Variants in REST observed in about 807,000 individuals in gnomAD.
REST encodes RE1 silencing transcription factor, also known as RE1-silencing transcription factor.
Under a neutral mutation model 30.4 loss-of-function variants are expected in REST, and 1 was observed. That is an observed-to-expected ratio of 0.03 (90% CI 0.01 to 0.16). The LOEUF is 0.16. REST is among the 10% of genes least tolerant of loss of function. The pLI, the probability that REST is intolerant of heterozygous loss-of-function variation, is 1.00. For synonymous variants in REST, 504 were observed against 451.1 expected, an observed-to-expected ratio of 1.12 and a Z score of -1.49; for missense variants, 1,259 against 1,329.5, an observed-to-expected ratio of 0.95 and a Z score of 0.82.
At chr4:56,921,898 A>C (rs1377033606) in intron 3 of REST, among the ~76,000 whole-genome samples, 1 of 152,204 alleles carries the variant, frequency 6.6e-6, no homozygotes, top group Non-Finnish European at 1.5e-5. Context: ...ACTACTAGAA[A>C]ATTTAAGATT....
At chr4:56,928,193 G>T (rs1484984069) in intron 3 of REST, among the ~76,000 whole-genome samples, 2 of 151,934 alleles carry the variant, frequency 1.3e-5, no homozygotes, top group Admixed American at 6.6e-5. Context: ...CTGTAATCTT[G>T]CCTTCTGGGT....
intron 2 of REST, among the ~76,000 whole-genome samples, chr4:56,913,959 A>G (rs1332371986): frequency 1.3e-5 from 2 of 149,916 alleles, no homozygotes; most frequent in East Asian, 2.0e-4. Context: ...TTTTTTTGAG[A>G]TAGTTTTACT....
At position 56,929,879 on chromosome 4, in the gene REST, G is replaced by T. The variant is rs749651610; in HGVS notation, c.1021G>T (p.Ala341Ser). ...PFKCDQCSYVASNQHEVTRHA... is the reference protein window; with the variant it reads ...PFKCDQCSYVSSNQHEVTRHA... ...TAAATGTGATCAGTGCAGTTATGTG[G>T]CCTCTAATCAACATGAAGTAACCCG... Residue 341 changes from alanine to serine, a missense_variant, in exon 4 of 4, where the codon GCC (alanine) becomes TCC (serine). Physicochemically the swap from Ala to Ser is moderately conservative, Grantham distance 99 (BLOSUM62 1). This residue lies in a region of REST where 125 missense variants were observed against 255.4 expected (regional missense o/e 0.49). Transcript: ENST00000309042. 1 of 1,613,990 alleles carries T rather than the reference G, an allele frequency of 6.2e-7. No homozygotes were observed. The highest frequency in any genetic ancestry group is 2.2e-5 in the East Asian group (1 of 44,870).
intron 3 of REST, among the ~76,000 whole-genome samples, chr4:56,923,464 G>C (rs1420493326): frequency 6.6e-6 from 1 of 152,006 alleles, no homozygotes; most frequent in Non-Finnish European, 1.5e-5. Context: ...TATTATTTTT[G>C]AGACAGTTTC....
chr4:56,917,962 G>C (rs1421161575), intron 2 of REST, among the ~76,000 whole-genome samples: 1 of 148,238 alleles, frequency 6.7e-6, no homozygotes, highest in Non-Finnish European at 1.5e-5. Context: ...TGAGGCAGGA[G>C]AATGGTGTGA....
chr4:56,911,165 A>G lies in REST; in HGVS notation c.527A>G (p.His176Arg), dbSNP rs375735172. 3.7e-5 allele frequency: 59 copies of G among 1,614,234 alleles called. 1 individual carries two copies. The highest frequency in any genetic ancestry group is 1.8e-4 in the East Asian group (8 of 44,892). Residue 176 changes from histidine (H) to arginine (R), a missense_variant, in exon 2 of 4, where the codon CAT becomes CGT. His to Arg is a conservative substitution (Grantham distance 29). Coordinates refer to ENST00000309042, the MANE Select transcript of REST (RefSeq NM_005612.5). Reference sequence around the variant, plus strand: ...GCAGAATCTGAAGAACAGTTTGTGCATCACATCAGAGTTCACAGTGCTAAG... The same window carrying G: ...GCAGAATCTGAAGAACAGTTTGTGCGTCACATCAGAGTTCACAGTGCTAAG... ...YEAESEEQFVHHIRVHSAKKF... is the reference protein window; with the variant it reads ...YEAESEEQFVRHIRVHSAKKF...
At chr4:56,919,910 A>C (rs760322554) in intron 3 of REST, 40 bp downstream of exon 3, 3 of 1,058,816 alleles carry the variant, frequency 2.8e-6, no homozygotes, top group Non-Finnish European at 4.2e-6. Context: ...TTTTCAGTAA[A>C]TGACCATTTT....
chr4:56,925,643 G>A (rs1720667700), intron 3 of REST, among the ~76,000 whole-genome samples: 1 of 152,174 alleles, frequency 6.6e-6, no homozygotes, highest in Non-Finnish European at 1.5e-5. Flanking sequence ...ATAAAGAAGA[G>A]AACCTGTTAC....
At chr4:56,925,604 G>C (rs1398386395) in intron 3 of REST, among the ~76,000 whole-genome samples, 3 of 152,138 alleles carry the variant, frequency 2.0e-5, no homozygotes, top group Non-Finnish European at 2.9e-5. Context: ...ATTCATTTCG[G>C]AGGCATAAAA....
rs139443175 is a variant in REST at position 56,929,953 on chromosome 4, C to T, written c.1095C>T (p.His365=). 1,509 of 1,614,054 alleles carry T rather than the reference C, an allele frequency of 9.3e-4. 2 individuals carry two copies. Among genetic ancestry groups the T allele is most frequent in the Non-Finnish European group, 1.2e-3 (1,402 of 1,180,044 alleles). Residue 365 remains histidine, a synonymous_variant, in exon 4 of 4, where the codon CAC becomes CAT. Transcript: ENST00000309042. ...HNGPKPLNCP[H]CDYKTADRSN... is the part of the protein sequence containing the mutation. ...GGCCTAAACCTCTTAATTGCCCACACTGTGATTACAAAACAGCAGATAGAA... is the reference window on the plus strand; with the variant it reads ...GGCCTAAACCTCTTAATTGCCCACATTGTGATTACAAAACAGCAGATAGAA...
chr4:56,917,252 C>T (rs1365595489), intron 2 of REST, among the ~76,000 whole-genome samples: 1 of 152,196 alleles, frequency 6.6e-6, no homozygotes, highest in African/African-American at 2.4e-5. Flanking sequence ...ACAGCTAATT[C>T]GTAGCTACCA....
chr4:56,930,830 C>G lies in REST; in HGVS notation c.1972C>G (p.Gln658Glu). The G allele has an allele frequency of 6.2e-7, 1 of 1,611,340 alleles. No individual in the cohort carries two copies. The highest frequency in any genetic ancestry group is 8.5e-7 in the Non-Finnish European group (1 of 1,178,504). ...CGAGCCTGTTCAGATGGAGGTGGTT[C>G]AGGAGGGGCCTGCTCAGAAGGAGCT... ...PDEPVQMEVV[Q>E]EGPAQKELLP... The change falls in exon 4 of 4, where the codon CAG (glutamine) becomes GAG (glutamate). Residue 658 changes from glutamine to glutamate, a missense_variant. Physicochemically the swap from Gln to Glu is conservative, Grantham distance 29. This residue lies in a region of REST where 856 missense variants were observed against 772.8 expected (regional missense o/e 1.11). Coordinates refer to ENST00000309042, the MANE Select transcript of REST (RefSeq NM_005612.5).
intron 2 of REST, among the ~76,000 whole-genome samples, chr4:56,913,867 C>A (rs779723434): frequency 4.6e-5 from 7 of 152,114 alleles, no homozygotes; most frequent in Non-Finnish European, 1.0e-4. Flanking sequence ...CCAGGCTAGT[C>A]TCGAACTCCT....
rs753660418 is a variant in REST at position 56,931,280 on chromosome 4, G to A, written c.2422G>A (p.Glu808Lys). The A allele has an allele frequency of 4.3e-6, 7 of 1,614,238 alleles. No individual in the cohort carries two copies. The highest frequency in any genetic ancestry group is 5.9e-6 in the Non-Finnish European group (7 of 1,180,052). The change falls in exon 4 of 4, where the codon GAG becomes AAG. Residue 808 changes from glutamate (E) to lysine (K), a missense_variant. Physicochemically the swap from Glu to Lys is moderately conservative, Grantham distance 56. Around this residue, in one of 5 missense-constraint regions of REST, gnomAD observed 856 missense variants for 772.8 expected, o/e 1.11. Transcript: ENST00000309042. ...PPPREPPLHM[E>K]PISKKPPLRK... ...TCCCAGAGAGCCTCCCCTTCACATG[G>A]AGCCAATTTCCAAAAAGCCTCCTCT...
intron 3 of REST, 132 bp from the exon 4 acceptor site, chr4:56,929,709 T>C (rs769325980): frequency 6.1e-5 from 39 of 642,230 alleles, no homozygotes; most frequent in Non-Finnish European, 9.0e-5. Context: ...CAAATAAATA[T>C]GGTAAATGTA....
chr4:56,928,979 A>G (rs1720835894), intron 3 of REST, among the ~76,000 whole-genome samples: 1 of 151,240 alleles, frequency 6.6e-6, no homozygotes. Context: ...ACTCACTGCT[A>G]CTTCAAATTC....
In REST at chr4:56,932,050, C is replaced by T; in HGVS notation, c.3192C>T (p.Phe1064=). The change falls in exon 4 of 4, where the codon TTC becomes TTT. Residue 1064 remains phenylalanine, a synonymous_variant. Transcript: ENST00000309042. The part of the protein sequence containing the change: ...KAAKGDFVCI[F]CDRSFRKGKD... ...CTAAGGGAGATTTTGTTTGTATCTT[C>T]TGTGATCGTTCTTTCAGAAAGGGAA... 1 of 1,614,198 alleles carries T rather than the reference C, an allele frequency of 6.2e-7. No homozygotes were observed. Among genetic ancestry groups the T allele is most frequent in the South Asian group, 1.1e-5 (1 of 91,084 alleles).
chr4:56,909,044 C>G (rs1013616011), intron 1 of REST: 1 of 152,314 alleles, frequency 6.6e-6, no homozygotes, highest in African/African-American at 2.4e-5. Context: ...TGCGCGGTAA[C>G]TTTCCGTCCT....
chr4:56,925,023 G>A (rs186738569), intron 3 of REST, among the ~76,000 whole-genome samples: 18 of 152,102 alleles, frequency 1.2e-4, no homozygotes, highest in Non-Finnish European at 2.1e-4. Flanking sequence ...AAATTAGCCT[G>A]GCATGATGGC....
Sources: gnomAD v4.1 joint callset for allele counts (sites outside exome capture counted in the v4.1 genomes callset) on GRCh38, gnomAD v4.1.1 for gene constraint, gnomAD v4.1.1 regional missense constraint, MANE v1.5 for transcripts, NCBI Gene and HGNC (gene_info 2026-07-23, HGNC 2026-07-21) for gene names.